Variants in MRC2 observed in about 807,000 individuals in gnomAD.
MRC2 encodes C-type mannose receptor 2.
MRC2 carries 84 observed loss-of-function variants against 206.2 expected under a neutral mutation model. The observed-to-expected ratio is 0.41, with a 90% CI of 0.34 to 0.49. The LOEUF (loss-of-function observed/expected upper bound fraction) is 0.49, where lower values mean the gene tolerates loss of function less well. Ranked by LOEUF, MRC2 falls within the 20% of genes least tolerant of loss-of-function variation. MRC2 has a pLI of 0.31. For synonymous variants in MRC2, 798 were observed against 800.0 expected, an observed-to-expected ratio of 1.00 and a Z score of 0.04; for missense variants, 1,676 against 2,001.5, an observed-to-expected ratio of 0.84 and a Z score of 3.10.
chr17:62,676,505 A>G lies in MRC2; in HGVS notation c.1808A>G (p.Tyr603Cys). The part of the protein sequence containing the change: ...FFWLSGDEVM[Y>C]THWNRDQPGY... ...TGGCTCAGTGGGGATGAAGTCATGT[A>G]CACCCACTGGAACCGGGACCAGCCC... Residue 603 changes from tyrosine (Y) to cysteine (C), a missense_variant, in exon 11 of 30, where the codon TAC (tyrosine) becomes TGC (cysteine). Tyr to Cys is a radical substitution (Grantham distance 194, BLOSUM62 -2). Transcript: ENST00000303375. The G allele has an allele frequency of 6.2e-7, 1 of 1,604,824 alleles. No individual in the cohort carries two copies. Among genetic ancestry groups the G allele is most frequent in the Non-Finnish European group, 8.5e-7 (1 of 1,175,672 alleles).
intron 1 of MRC2, among the ~76,000 whole-genome samples, chr17:62,632,028 G>T (rs931117402): frequency 6.6e-6 from 1 of 152,118 alleles, no homozygotes; most frequent in Non-Finnish European, 1.5e-5. Flanking sequence ...CGTGAGATGG[G>T]AGGGGGCCGC....
intron 1 of MRC2, among the ~76,000 whole-genome samples, chr17:62,658,021 C>A (rs187553403): frequency 1.3e-5 from 2 of 152,178 alleles, no homozygotes; most frequent in East Asian, 3.9e-4. Flanking sequence ...CTTTTTGATT[C>A]CTCAGCCTTT....
chr17:62,692,449 T>C lies in MRC2; in HGVS notation c.4438T>C (p.Ter1480GlnextTer93). ...CATGGAAATGAATGAGCAACAAGAA[T>C]AGAGCCAGGCGCGTGGGCAGGGCCA... ...SDMEMNEQQE[*>Q] Residue 1480 changes from the stop codon to glutamine, a stop_lost, in exon 30 of 30, where the codon TAG becomes CAG. Transcript: ENST00000303375. This position sits in a 1 kb window ranked among gnomAD's most constrained non-coding sequence, Gnocchi z 4.2. 6.4e-7 allele frequency: 1 copy of C among 1,556,924 alleles called. No homozygotes were observed. The highest frequency in any genetic ancestry group is 8.7e-7 in the Non-Finnish European group (1 of 1,149,776).
At position 62,689,663 on chromosome 17, in the gene MRC2, GC is replaced by G; in HGVS notation, c.3478del (p.Leu1160TrpfsTer45). On this transcript the variant is annotated frameshift_variant, in exon 24 of 30. Transcript: ENST00000303375. LOFTEE classifies it high-confidence loss of function. ...CTGCTGTGTGAGAGCCGCAATGCCA[GC>G]CTGGCCTACGTGCCCGACCCCTACA... Reference protein sequence around the residue: ...ALLLCESRNASLAYVPDPYTQ... With the variant: ...ALLLCESRNAXLAYVPDPYTQ... 6.3e-7 allele frequency: 1 copy of G among 1,591,870 alleles called. No individual in the cohort carries two copies. The highest frequency in any genetic ancestry group is 8.6e-7 in the Non-Finnish European group (1 of 1,169,390).
chr17:62,638,470 T>C (rs1276855517), intron 1 of MRC2, among the ~76,000 whole-genome samples: 2 of 152,134 alleles, frequency 1.3e-5, no homozygotes, highest in East Asian at 3.9e-4. Context: ...CCGGGCGTGG[T>C]GGTTCATGCC....
At chr17:62,679,611 G>A (rs1420714624) in intron 13 of MRC2, 189 bp from the exon 14 acceptor site, 1 of 529,842 alleles carries the variant, frequency 1.9e-6, no homozygotes, top group Non-Finnish European at 3.4e-6. Flanking sequence ...CCCCAGCTCT[G>A]TCTTGTGGGG....
rs761988809 is a variant in MRC2, at chr17:62,677,342, C to T, written c.1908C>T (p.Thr636=). The T allele has an allele frequency of 1.1e-5, 18 of 1,608,548 alleles. No homozygotes were observed. The Admixed American group carries it at 3.0e-4, about 27-fold the overall frequency. ...GGCTGTGGGAGGTGAAGAACTGTAC[C>T]TCGTTCCGGGCCCGCTACATCTGCC... The part of the protein sequence containing the change: ...AMGLWEVKNC[T]SFRARYICRQ... The change falls in exon 12 of 30, where the codon ACC becomes ACT. Residue 636 remains threonine (T), a synonymous_variant. Transcript: ENST00000303375.
intron 1 of MRC2, among the ~76,000 whole-genome samples, chr17:62,657,413 C>T (rs2088630841): frequency 6.6e-6 from 1 of 152,222 alleles, no homozygotes. Context: ...CCCTGCCTAG[C>T]TTCATTCATT....
intron 1 of MRC2, among the ~76,000 whole-genome samples, chr17:62,659,494 A>C (rs1435950497): frequency 6.6e-6 from 1 of 151,954 alleles, no homozygotes; most frequent in East Asian, 1.9e-4. Context: ...AGCAGTGAGC[A>C]GAGATCGCGC....
Position 62,680,951 on chromosome 17 carries a change from C to T in MRC2, c.2625C>T (p.Asn875=), listed in dbSNP as rs2088958363. The part of the protein sequence containing the change: ...SQAELDFLSH[N]LQKFSRAQEQ... The stretch of plus-strand genomic sequence containing the variant: ...CGGAGCTAGACTTCCTGAGCCACAA[C>T]TTGCAGAAGGTGGGCATTGGATTGA... The change falls in exon 17 of 30, where the codon AAC becomes AAT. Residue 875 remains asparagine, a synonymous_variant. Coordinates refer to ENST00000303375, the MANE Select transcript of MRC2 (RefSeq NM_006039.5). This position sits in a 1 kb window ranked among gnomAD's most constrained non-coding sequence, Gnocchi z 4.8. 6.2e-7 allele frequency: 1 copy of T among 1,612,952 alleles called. No individual in the cohort carries two copies. Among genetic ancestry groups the T allele is most frequent in the Non-Finnish European group, 8.5e-7 (1 of 1,179,782 alleles).
At chr17:62,651,632 TG>T (rs2088557353) in intron 1 of MRC2, among the ~76,000 whole-genome samples, 1 of 152,184 alleles carries the variant, frequency 6.6e-6, no homozygotes, top group African/African-American at 2.4e-5. Context: ...TAGAGTGCAG[TG>T]GTGCGATCTG....
Position 62,667,407 on chromosome 17 carries a change from A to C in MRC2, c.991A>C (p.Ser331Arg). Reference sequence around the variant, plus strand: ...CCCCACAGACCAGCCGGACAACCCCAGTGAGGAGAACTGTGGAGTGATCCG... The same window carrying C: ...CCCCACAGACCAGCCGGACAACCCCCGTGAGGAGAACTGTGGAGTGATCCG... ...NWESDQPDNP[S>R]EENCGVIRTE... is the part of the protein sequence containing the mutation. The change falls in exon 6 of 30, where the codon AGT (serine) becomes CGT (arginine). Residue 331 changes from serine (S) to arginine (R), a missense_variant. Around this residue, in one of 3 missense-constraint regions of MRC2, gnomAD observed 1,354 missense variants for 1,636.6 expected, o/e 0.83. Transcript: ENST00000303375. This position sits in a 1 kb window ranked among gnomAD's most constrained non-coding sequence, Gnocchi z 4.1. The C allele has an allele frequency of 1.2e-6, 2 of 1,605,650 alleles. No individual in the cohort carries two copies. Among genetic ancestry groups the C allele is most frequent in the Non-Finnish European group, 1.7e-6 (2 of 1,177,288 alleles).
In MRC2 at chr17:62,664,476, C is replaced by A; in HGVS notation, c.119-72C>A. On this transcript the variant is annotated intron_variant, in intron 1 of 29. Transcript: ENST00000303375. The surrounding 1 kb of genome is among the most constrained non-coding windows in gnomAD (Gnocchi z 4.7). ...CACTGGGCACATGGTAGGTGCCTGTCAGCCACACCGGTCATCAAGGGCCAA... is the reference window on the plus strand; with the variant it reads ...CACTGGGCACATGGTAGGTGCCTGTAAGCCACACCGGTCATCAAGGGCCAA... 1 of 1,510,300 alleles carries A rather than the reference C, an allele frequency of 6.6e-7. No homozygotes were observed. 93.6% of individuals were successfully genotyped at this position (1,510,300 alleles called of 1,614,324 possible).
rs752110542 is a variant in MRC2, at chr17:62,675,955, A to C, written c.1685+50A>C. The C allele has an allele frequency of 3.3e-6, 5 of 1,493,274 alleles. No homozygotes were observed. Among genetic ancestry groups the C allele is most frequent in the Non-Finnish European group, 4.7e-6 (5 of 1,072,246 alleles). 92.5% of individuals were successfully genotyped at this position (1,493,274 alleles called of 1,614,324 possible). ...CTAGCCCTTGCCCATGTCTGGGCCT[A>C]TTGTGGTCCCTTCAGCAAACAGGGT... On this transcript the variant is annotated intron_variant, in intron 10 of 29. Transcript: ENST00000303375. This position sits in a 1 kb window ranked among gnomAD's most constrained non-coding sequence, Gnocchi z 4.1.
In MRC2 at chr17:62,692,547, A is replaced by G. The variant is rs1599001767; in HGVS notation, c.*96A>G. On this transcript the variant is annotated 3_prime_UTR_variant, in exon 30 of 30. Coordinates refer to ENST00000303375, the MANE Select transcript of MRC2 (RefSeq NM_006039.5). The surrounding 1 kb of genome is among the most constrained non-coding windows in gnomAD (Gnocchi z 4.2). ...CACCAGCTGCCTGTCCAGTTGGCCT[A>G]TGGAAGGGTGCCCTTGGGAGTCGCT... The G allele has an allele frequency of 7.8e-7, 1 of 1,277,374 alleles. No homozygotes were observed. Among genetic ancestry groups the G allele is most frequent in the South Asian group, 1.4e-5 (1 of 70,660 alleles). 79.1% of individuals were successfully genotyped at this position (1,277,374 alleles called of 1,614,324 possible).
At chr17:62,658,203 C>T (rs182438165) in intron 1 of MRC2, among the ~76,000 whole-genome samples, 199 of 152,294 alleles carry the variant, frequency 1.3e-3, no homozygotes, top group African/African-American at 4.6e-3. Flanking sequence ...TTGTAACGCC[C>T]CCAGACACCT....
At chr17:62,630,900 T>C (rs1568045434) in intron 1 of MRC2, among the ~76,000 whole-genome samples, 1 of 152,018 alleles carries the variant, frequency 6.6e-6, no homozygotes, top group Non-Finnish European at 1.5e-5. Context: ...CACGCAAAAC[T>C]CAGTTTTCCT....
intron 1 of MRC2, among the ~76,000 whole-genome samples, chr17:62,660,302 C>T (rs1442945464): frequency 6.6e-6 from 1 of 152,116 alleles, no homozygotes; most frequent in Non-Finnish European, 1.5e-5. Flanking sequence ...ACTAGAAAGG[C>T]TAACATTGAG....
intron 13 of MRC2, 73 bp from the exon 14 acceptor site, chr17:62,679,727 C>A (rs2088936737): frequency 1.4e-6 from 2 of 1,440,556 alleles, no homozygotes; most frequent in South Asian, 2.5e-5. Flanking sequence ...CTGCAAGGGA[C>A]AGGGGGCACG....
Sources: allele counts gnomAD v4.1 joint callset (sites outside exome capture counted in the v4.1 genomes callset), GRCh38; gene constraint gnomAD v4.1.1; regional missense constraint gnomAD v4.1.1; non-coding constraint Gnocchi (gnomAD v3.1); transcripts MANE v1.5; gene names NCBI Gene and HGNC (gene_info 2026-07-23, HGNC 2026-07-21).